DNAH11: variants seen among roughly 807,000 people sequenced by gnomAD.
DNAH11 encodes dynein axonemal heavy chain 11.
DNAH11 carries 442 observed loss-of-function variants against 526.0 expected under a neutral mutation model. The ratio of observed to expected loss-of-function variants is 0.84; its 90% confidence interval spans 0.78 to 0.91. The LOEUF (loss-of-function observed/expected upper bound fraction) is 0.91, where lower values mean the gene tolerates loss of function less well. Among genes scored for constraint, DNAH11 ranks in the 40% least tolerant of loss-of-function variants. The pLI is 0.00. For synonymous variants in DNAH11, 2,461 were observed against 1,935.9 expected (o/e 1.27, Z -7.12); for missense variants, 6,989 against 5,448.7 (o/e 1.28, Z -8.90).
In DNAH11 at chr7:21,864,521, T is replaced by C. The variant is rs1305967828; in HGVS notation, c.11374-14T>C. ...TAAACCTAATAATCCTTTTCAATTT[T>C]GTCTACTCTCAAGATTTTGTTGAGA... is the stretch of plus-strand genomic sequence containing the variant. On this transcript the variant is annotated splice_polypyrimidine_tract_variant and intron_variant, in intron 69 of 81. Transcript: ENST00000409508. 2 of 1,608,970 alleles carry C rather than the reference T, an allele frequency of 1.2e-6. No homozygotes were observed. The highest frequency in any genetic ancestry group is 1.7e-6 in the Non-Finnish European group (2 of 1,178,038).
At chr7:21,565,495 C>A (rs1465355306) in intron 6 of DNAH11, among the ~76,000 whole-genome samples, 1 of 152,124 alleles carries the variant, frequency 6.6e-6, no homozygotes. Flanking sequence ...GAAAGCCAGA[C>A]CAAAGAACAG....
chr7:21,668,974 C>A (rs919876719), intron 30 of DNAH11, among the ~76,000 whole-genome samples: 1 of 152,052 alleles, frequency 6.6e-6, no homozygotes, highest in Non-Finnish European at 1.5e-5. Flanking sequence ...TTTATATACT[C>A]GCTCATATTT....
intron 74 of DNAH11, among the ~76,000 whole-genome samples, chr7:21,874,497 A>G (rs1002993708): frequency 1.3e-5 from 2 of 151,666 alleles, no homozygotes; most frequent in African/African-American, 2.4e-5. Flanking sequence ...CACCAAGCCC[A>G]GCTAACTTTT....
intron 31 of DNAH11, 150 bp downstream of exon 31, chr7:21,681,827 G>A (rs1449390616): frequency 2.9e-6 from 3 of 1,018,728 alleles, no homozygotes; most frequent in Non-Finnish European, 4.6e-6. Context: ...GGGTGCATTT[G>A]ATTTTGGTTA....
At chr7:21,823,317 T>C (rs564367834) in intron 65 of DNAH11, among the ~76,000 whole-genome samples, 2 of 152,240 alleles carry the variant, frequency 1.3e-5, no homozygotes, top group South Asian at 4.2e-4. Context: ...TCCCCATCAA[T>C]GTTTTGGAAA....
At chr7:21,748,545 G>T (rs767040686) in intron 51 of DNAH11, 35 bp from the exon 52 acceptor site, 2 of 1,437,696 alleles carry the variant, frequency 1.4e-6, no homozygotes, top group South Asian at 1.7e-5. Context: ...GGGCATTTTC[G>T]ATTTTGTGCC....
intron 58 of DNAH11, among the ~76,000 whole-genome samples, chr7:21,786,317 T>TGTGTGC (rs1004808074): frequency 6.6e-6 from 1 of 151,648 alleles, no homozygotes; most frequent in Non-Finnish European, 1.5e-5. Context: ...TGTGTGTGTG[T>TGTGTGC]GTGTGTGTGT....
intron 74 of DNAH11, 131 bp from the exon 75 acceptor site, chr7:21,880,571 G>C (rs562774263): frequency 1.2e-6 from 1 of 857,590 alleles, no homozygotes; most frequent in African/African-American, 1.7e-5. Context: ...CATTGGATAA[G>C]TAGCCATGCT....
intron 28 of DNAH11, among the ~76,000 whole-genome samples, chr7:21,646,881 A>G (rs1787377567): frequency 6.6e-6 from 1 of 152,152 alleles, no homozygotes; most frequent in Non-Finnish European, 1.5e-5. Flanking sequence ...GAGTGAAAAT[A>G]TATTCATTTT....
At chr7:21,631,511 G>T (rs1042373109) in intron 25 of DNAH11, among the ~76,000 whole-genome samples, 1 of 152,182 alleles carries the variant, frequency 6.6e-6, no homozygotes, top group African/African-American at 2.4e-5. Flanking sequence ...AGATAAAATG[G>T]GGGTACAGCT....
intron 20 of DNAH11, among the ~76,000 whole-genome samples, chr7:21,611,266 A>T (rs1785512432): frequency 6.6e-6 from 1 of 152,204 alleles, no homozygotes; most frequent in Non-Finnish European, 1.5e-5. Context: ...CAGGACTTGA[A>T]CCTGCAGCCT....
At chr7:21,677,828 G>C (rs190353088) in intron 30 of DNAH11, among the ~76,000 whole-genome samples, 332 of 152,308 alleles carry the variant, frequency 2.2e-3, no homozygotes, top group African/African-American at 7.2e-3. Context: ...AATGATTAGT[G>C]ATTTTGAGCA....
chr7:21,701,381 C>T (rs541986126), intron 36 of DNAH11, among the ~76,000 whole-genome samples: 194 of 151,516 alleles, frequency 1.3e-3, no homozygotes, highest in Middle Eastern at 3.4e-3. Context: ...CCTCGACCTT[C>T]CTGGCTCAAG....
At chr7:21,576,697 C>A (rs1312308250) in intron 8 of DNAH11, among the ~76,000 whole-genome samples, 1 of 152,164 alleles carries the variant, frequency 6.6e-6, no homozygotes, top group African/African-American at 2.4e-5. Context: ...CTCGTGAAGA[C>A]CTGGTCTTTG....
chr7:21,659,901 A>C (rs1353923929), intron 30 of DNAH11, among the ~76,000 whole-genome samples: 1 of 152,028 alleles, frequency 6.6e-6, no homozygotes, highest in Non-Finnish European at 1.5e-5. Context: ...ATTCCTTTTA[A>C]TTTTACTCTT....
At chr7:21,838,827 C>G (rs1782094102) in intron 65 of DNAH11, among the ~76,000 whole-genome samples, 1 of 151,990 alleles carries the variant, frequency 6.6e-6, no homozygotes, top group Non-Finnish European at 1.5e-5. Flanking sequence ...CCTCCCAAGG[C>G]TCAGGTGATC....
At chr7:21,823,542 A>G (rs1298963119) in intron 65 of DNAH11, among the ~76,000 whole-genome samples, 2 of 152,264 alleles carry the variant, frequency 1.3e-5, no homozygotes, top group East Asian at 1.9e-4. Flanking sequence ...TCTCCTTTAC[A>G]TAGTATATTT....
chr7:21,748,644 A>G lies in DNAH11; in HGVS notation c.8575A>G (p.Ser2859Gly). The G allele has an allele frequency of 6.2e-7, 1 of 1,613,446 alleles. No homozygotes were observed. The highest frequency in any genetic ancestry group is 1.1e-5 in the South Asian group (1 of 90,978). Residue 2859 changes from serine (S) to glycine (G), a missense_variant, in exon 52 of 82, where the codon AGT becomes GGT. Coordinates refer to ENST00000409508, the MANE Select transcript of DNAH11 (RefSeq NM_001277115.2). ...GCALLVGVGG[S>G]GKQSLSRLAA... The stretch of plus-strand genomic sequence containing the variant: ...TGCTCTCTTGGTTGGAGTTGGGGGC[A>G]GTGGCAAGCAGAGCTTGTCCAGGCT...
At chr7:21,748,025 A>G (rs1286122183) in intron 51 of DNAH11, among the ~76,000 whole-genome samples, 1 of 152,228 alleles carries the variant, frequency 6.6e-6, no homozygotes, top group Admixed American at 6.5e-5. Context: ...CTCTAAGAGA[A>G]TCCAAAGTGT....
Sources: allele counts gnomAD v4.1 joint callset (sites outside exome capture counted in the v4.1 genomes callset), GRCh38; gene constraint gnomAD v4.1.1; transcripts MANE v1.5; gene names NCBI Gene and HGNC (gene_info 2026-07-23, HGNC 2026-07-21).